The following NLE1 variants were observed in gnomAD, a reference collection of about 807,000 sequenced individuals.
NLE1 encodes notchless protein homolog 1.
In NLE1, 37 loss-of-function variants were observed where a neutral mutation model predicts 62.8. The observed-to-expected ratio is 0.59, with a 90% CI of 0.45 to 0.78. The LOEUF is 0.78. Among genes scored for constraint, NLE1 ranks in the 30% least tolerant of loss-of-function variants. NLE1 has a pLI of 0.00. For synonymous variants in NLE1, 243 were observed against 253.0 expected (o/e 0.96, Z 0.37); for missense variants, 555 against 637.9 (o/e 0.87, Z 1.40).
rs746868835 is a variant in NLE1, at chr17:35,136,507, A to G, written c.829-10T>C. 4 of 1,605,784 alleles carry G rather than the reference A, an allele frequency of 2.5e-6. No individual in the cohort carries two copies. Among genetic ancestry groups the G allele is most frequent in the South Asian group, 1.1e-5 (1 of 90,606 alleles). On this transcript the variant is annotated splice_polypyrimidine_tract_variant and intron_variant, in intron 7 of 12. Coordinates refer to ENST00000442241, the MANE Select transcript of NLE1 (RefSeq NM_018096.5). ...TCCGGCACAGCACACCCTACGGGAG[A>G]GCGAGTCAGGTCAGACACACACACT... is the stretch of plus-strand genomic sequence containing the variant.
intron 2 of NLE1, among the ~76,000 whole-genome samples, chr17:35,141,697 G>A (rs1374952160): frequency 1.3e-5 from 2 of 152,212 alleles, no homozygotes; most frequent in East Asian, 3.8e-4. Context: ...GTAAAATGGG[G>A]ATATTAACGT....
rs956500081 is a variant in NLE1, at chr17:35,132,019, T to C, written c.*418A>G. The stretch of plus-strand genomic sequence containing the variant: ...CAATCTCATTTAGCACAGTCCTTGA[T>C]TGAGTCATGGGGATTCTAGGACAAG... On this transcript the variant is annotated 3_prime_UTR_variant, in exon 13 of 13. Transcript: ENST00000442241. The C allele has an allele frequency of 1.3e-5, 2 of 155,800 alleles. No individual in the cohort carries two copies. The highest frequency in any genetic ancestry group is 2.4e-5 in the African/African-American group (1 of 41,600). The allele number at this position is 155,800 out of a possible 1,614,324, so 9.7% of individuals were successfully genotyped here.
intron 1 of NLE1, 22 bp from the exon 2 acceptor site, chr17:35,142,144 G>A (rs1373171469): frequency 3.1e-6 from 5 of 1,608,934 alleles, no homozygotes; most frequent in Admixed American, 1.7e-5. Flanking sequence ...AGTGGGGCGG[G>A]AGTCAGTCTG....
At chr17:35,139,688 C>A (rs1324257941) in intron 3 of NLE1, 161 bp downstream of exon 3, 3 of 978,458 alleles carry the variant, frequency 3.1e-6, no homozygotes, top group Non-Finnish European at 4.4e-6. Context: ...GGGGACCATG[C>A]CCTACTGAGG....
Position 35,137,759 on chromosome 17 carries a change from G to A in NLE1, c.537+55C>T, listed in dbSNP as rs113365804. 1,405 of 1,117,106 alleles carry A rather than the reference G, an allele frequency of 1.3e-3. 8 individuals are homozygous for A. In the African/African-American group the frequency reaches 0.016, roughly 13 times the overall value. 69.2% of individuals were successfully genotyped at this position (1,117,106 alleles called of 1,614,324 possible). A position where few individuals can be genotyped will look rare whatever the true frequency, so the allele number is the denominator to read the frequency against. ...AGACTCCTGAACCTGATTCTGAACT[G>A]TCTCCTAGGAAGGCCCCCTTGAGTC... On this transcript the variant is annotated intron_variant, in intron 5 of 12. Transcript: ENST00000442241.
In NLE1 at chr17:35,133,222, C is replaced by G. The variant is rs200490692; in HGVS notation, c.1394G>C (p.Ser465Thr). 6.2e-6 allele frequency: 10 copies of G among 1,614,238 alleles called. No homozygotes were observed. The East Asian group carries it at 1.6e-4, about 25-fold the overall frequency. Residue 465 changes from serine to threonine, a missense_variant, in exon 12 of 13, where the codon AGT (serine) becomes ACT (threonine). Ser to Thr is a moderately conservative substitution (Grantham distance 58, BLOSUM62 1). Transcript: ENST00000442241. ...HADEVYAVDW[S>T]PDGQRVASGG... ...ACTTGCCACTCTCTGGCCATCTGGA[C>G]TCCAGTCAACAGCATATACCTAAAG...
chr17:35,138,002 T>A (rs1011194256), intron 4 of NLE1, 112 bp from the exon 5 acceptor site: 3 of 749,610 alleles, frequency 4.0e-6, no homozygotes, highest in African/African-American at 1.7e-5. Context: ...AAATGAATGA[T>A]TGAACAAAAG....
At chr17:35,139,005 C>A (rs2091926378) in intron 4 of NLE1, among the ~76,000 whole-genome samples, 2 of 152,028 alleles carry the variant, frequency 1.3e-5, no homozygotes, top group Admixed American at 1.3e-4. Flanking sequence ...CAAAGTGAGA[C>A]CCTCATCTGT....
At chr17:35,134,349 C>G (rs985216574) in intron 10 of NLE1, among the ~76,000 whole-genome samples, 2 of 152,142 alleles carry the variant, frequency 1.3e-5, no homozygotes, top group African/African-American at 2.4e-5. Context: ...GGCTACAGCC[C>G]TACCTCTTCA....
chr17:35,140,177 ATC>A, intron 2 of NLE1, 111 bp from the exon 3 acceptor site: 1 of 1,247,392 alleles, frequency 8.0e-7, no homozygotes, highest in Non-Finnish European at 1.1e-6. Context: ...CTTTTCAGCC[ATC>A]GTGCTAGGGA....
At chr17:35,136,083 A>G in intron 9 of NLE1, 86 bp downstream of exon 9, 1 of 1,377,670 alleles carries the variant, frequency 7.3e-7, no homozygotes, top group Non-Finnish European at 1.0e-6. Flanking sequence ...AGCTGGGTCT[A>G]GAAGGGAGAA....
rs952890873 is a variant in NLE1 at position 35,130,227 on chromosome 17, G to C, written c.*2210C>G. 9.4e-6 allele frequency: 15 copies of C among 1,587,900 alleles called. No individual in the cohort carries two copies. In the African/African-American group the frequency reaches 2.0e-4, roughly 22 times the overall value. On this transcript the variant is annotated 3_prime_UTR_variant, in exon 13 of 13. Coordinates refer to ENST00000442241, the MANE Select transcript of NLE1 (RefSeq NM_018096.5). ...AAAAGGGGTGATAGAGACAGAGAGA[G>C]AGCCAGGTTCAGATCTGGGAAGGAA... is the stretch of plus-strand genomic sequence containing the variant.
Position 35,136,057 on chromosome 17 carries a change from G to A in NLE1, c.1011+112C>T. 4 of 1,010,806 alleles carry A rather than the reference G, an allele frequency of 4.0e-6. No homozygotes were observed. The South Asian group carries it at 7.2e-5, about 18-fold the overall frequency. The allele number at this position is 1,010,806 out of a possible 1,614,324, so 62.6% of individuals were successfully genotyped here. A position where few individuals can be genotyped will look rare whatever the true frequency, so the allele number is the denominator to read the frequency against. ...TAGGATTATGAAGAACAACTTTTTG[G>A]AATAGGTACATTCTGAGCTGGGTCT... On this transcript the variant is annotated intron_variant, in intron 9 of 12. Transcript: ENST00000442241.
At chr17:35,141,070 T>G (rs1333700258) in intron 2 of NLE1, among the ~76,000 whole-genome samples, 1 of 152,216 alleles carries the variant, frequency 6.6e-6, no homozygotes, top group Non-Finnish European at 1.5e-5. Context: ...ATGCAGTGTT[T>G]CCCAAACTAC....
At chr17:35,139,184 C>T (rs748217560) in intron 4 of NLE1, 51 bp downstream of exon 4, 12 of 1,508,314 alleles carry the variant, frequency 8.0e-6, no homozygotes, top group Non-Finnish European at 1.1e-5. Flanking sequence ...CAGAGCAAGA[C>T]CTTGTCTCAA....
intron 10 of NLE1, chr17:35,134,921 G>A (rs900907799): frequency 3.9e-4 from 160 of 414,626 alleles, no homozygotes; most frequent in African/African-American, 2.9e-3. Context: ...GCACGGTGGC[G>A]GAGGCCTGTA....
chr17:35,135,006 C>T (rs780038055), intron 10 of NLE1: 266 of 594,150 alleles, frequency 4.5e-4, no homozygotes, highest in African/African-American at 4.0e-3. Context: ...GAGCCAAGAT[C>T]GTGCCGCTGC....
chr17:35,141,470 T>C (rs1179351699), intron 2 of NLE1, among the ~76,000 whole-genome samples: 4 of 142,282 alleles, frequency 2.8e-5, no homozygotes, highest in African/African-American at 5.4e-5. Context: ...CGCTTGAACC[T>C]GGGAGGCAGA....
rs2091862927 is a variant in NLE1, at chr17:35,129,438, C to A, written c.*2999G>T. On this transcript the variant is annotated 3_prime_UTR_variant, in exon 13 of 13. Transcript: ENST00000442241. ...TTCCCCTAGATTTCCTGGACCTACG[C>A]CTTGGGCAAGCAGCCGGTCAGTTTC... 6.2e-7 allele frequency: 1 copy of A among 1,613,932 alleles called. No homozygotes were observed. Among genetic ancestry groups the A allele is most frequent in the Non-Finnish European group, 8.5e-7 (1 of 1,179,840 alleles).
Sources: allele counts gnomAD v4.1 joint callset (sites outside exome capture counted in the v4.1 genomes callset), GRCh38; gene constraint gnomAD v4.1.1; transcripts MANE v1.5; gene names NCBI Gene and HGNC (gene_info 2026-07-23, HGNC 2026-07-21).